The following FRMD4A variants were observed in gnomAD, a reference collection of about 807,000 sequenced individuals.
FRMD4A encodes FERM domain-containing protein 4A.
FRMD4A carries 29 observed loss-of-function variants against 129.1 expected under a neutral mutation model. The ratio of observed to expected loss-of-function variants is 0.22; its 90% CI spans 0.17 to 0.31. FRMD4A has a LOEUF of 0.31. FRMD4A is among the 10% of genes least tolerant of loss of function. FRMD4A has a pLI of 1.00. For missense variants in FRMD4A, 1,272 were observed against 1,375.8 expected (o/e 0.92, Z 1.19); for synonymous variants, 634 against 571.6 (o/e 1.11, Z -1.56).
At chr10:13,892,570 G>A (rs1482781715) in intron 2 of FRMD4A, among the ~76,000 whole-genome samples, 1 of 152,018 alleles carries the variant, frequency 6.6e-6, no homozygotes, top group African/African-American at 2.4e-5. Flanking sequence ...AGCTCAATTT[G>A]CTCTTAGACA....
chr10:14,310,620 G>T (rs937156920), intron 2 of FRMD4A, among the ~76,000 whole-genome samples: 1 of 152,138 alleles, frequency 6.6e-6, no homozygotes, highest in Non-Finnish European at 1.5e-5. Context: ...GCACAGGGCC[G>T]GCCAGGTAGC....
chr10:14,007,684 T>C (rs903152541), intron 2 of FRMD4A, among the ~76,000 whole-genome samples: 4 of 152,202 alleles, frequency 2.6e-5, no homozygotes, highest in Non-Finnish European at 5.9e-5. Context: ...TTCACAGCCC[T>C]GCTGCTCTAA....
intron 24 of FRMD4A, 34 bp downstream of exon 24, chr10:13,651,869 A>G (rs1277824586): frequency 4.8e-6 from 5 of 1,050,664 alleles, no homozygotes; most frequent in Non-Finnish European, 7.5e-6. Context: ...CCACAGACTC[A>G]TGGGCAGTAG....
At chr10:14,071,042 G>T (rs887440338) in intron 2 of FRMD4A, among the ~76,000 whole-genome samples, 2 of 152,202 alleles carry the variant, frequency 1.3e-5, no homozygotes, top group African/African-American at 4.8e-5. Flanking sequence ...GACAGAGATC[G>T]CTGATGTACC....
At chr10:14,231,051 C>T (rs1843622908) in intron 2 of FRMD4A, among the ~76,000 whole-genome samples, 1 of 152,078 alleles carries the variant, frequency 6.6e-6, no homozygotes, top group Admixed American at 6.5e-5. Context: ...GATTTCATGT[C>T]TTTGCTATTG....
At chr10:14,047,853 G>T (rs1379770836) in intron 2 of FRMD4A, among the ~76,000 whole-genome samples, 4 of 152,222 alleles carry the variant, frequency 2.6e-5, no homozygotes, top group Admixed American at 6.5e-5. Flanking sequence ...TCAGAATTGT[G>T]TCATTGCGCT....
chr10:14,327,860 T>C (rs117855895), intron 2 of FRMD4A, among the ~76,000 whole-genome samples: 2 of 152,330 alleles, frequency 1.3e-5, no homozygotes, highest in African/African-American at 2.4e-5. Flanking sequence ...TGACAACTGA[T>C]TGGCTGATGA....
intron 6 of FRMD4A, among the ~76,000 whole-genome samples, chr10:13,775,216 A>C (rs2092567038): frequency 6.6e-6 from 1 of 152,226 alleles, no homozygotes; most frequent in Non-Finnish European, 1.5e-5. Flanking sequence ...AATGCATGTC[A>C]CGTCTCCAGA....
At chr10:14,000,668 A>AAAAAAAAAAAAG (rs1555009702) in intron 2 of FRMD4A, among the ~76,000 whole-genome samples, 24 of 74,634 alleles carry the variant, frequency 3.2e-4, no homozygotes, top group African/African-American at 6.8e-4. Flanking sequence ...AAAAAAAAAA[A>AAAAAAAAAAAAG]GAGAAGAAAG....
chr10:14,130,735 T>C (rs1839203379), intron 2 of FRMD4A, among the ~76,000 whole-genome samples: 2 of 152,216 alleles, frequency 1.3e-5, no homozygotes, highest in Non-Finnish European at 2.9e-5. Flanking sequence ...AAGCTAAGCA[T>C]AGGCATTGCT....
chr10:14,290,272 C>T (rs960501867), intron 2 of FRMD4A, among the ~76,000 whole-genome samples: 11 of 152,062 alleles, frequency 7.2e-5, no homozygotes, highest in African/African-American at 2.7e-4. Context: ...ATAACCAAAG[C>T]AGTCTTGAGA....
chr10:13,650,421 C>T (rs866568929), intron 24 of FRMD4A, among the ~76,000 whole-genome samples: 5 of 150,232 alleles, frequency 3.3e-5, no homozygotes, highest in Non-Finnish European at 4.4e-5. Context: ...AGCATGAACT[C>T]GTGTATGTAT....
At chr10:14,244,652 G>A (rs1336806393) in intron 2 of FRMD4A, among the ~76,000 whole-genome samples, 1 of 152,100 alleles carries the variant, frequency 6.6e-6, no homozygotes, top group Non-Finnish European at 1.5e-5. Flanking sequence ...ACACTGAACT[G>A]GGCACATTAC....
chr10:13,854,765 T>C (rs1426392298), intron 3 of FRMD4A, among the ~76,000 whole-genome samples: 1 of 152,114 alleles, frequency 6.6e-6, no homozygotes, highest in Non-Finnish European at 1.5e-5. Flanking sequence ...CATTTCCAAC[T>C]GGTGGAAACA....
At position 13,835,521 on chromosome 10, in the gene FRMD4A, G is replaced by A. The variant is rs146103164; in HGVS notation, c.111+23326C>T. 3.4e-3 allele frequency among the ~76,000 whole-genome samples: 516 copies of A among 152,184 alleles called. 4 individuals carry two copies. Among genetic ancestry groups the A allele is most frequent in the African/African-American group, 0.012 (499 of 41,494 alleles). ...TCTGTATTTATAGCAGCTCCCCATC[G>A]CGCATTATTGCCTGAGTTCCACCTC... is the stretch of plus-strand genomic sequence containing the variant. On this transcript the variant is annotated intron_variant, in intron 3 of 24. Coordinates refer to ENST00000357447, the MANE Select transcript of FRMD4A (RefSeq NM_018027.5).
chr10:14,218,125 C>T (rs980960735), intron 2 of FRMD4A, among the ~76,000 whole-genome samples: 2 of 152,194 alleles, frequency 1.3e-5, no homozygotes, highest in African/African-American at 4.8e-5. Context: ...CCATGGTGCC[C>T]AGCTTATTTC....
chr10:13,898,824 T>C (rs772778641), intron 2 of FRMD4A, among the ~76,000 whole-genome samples: 4 of 152,156 alleles, frequency 2.6e-5, no homozygotes, highest in Non-Finnish European at 5.9e-5. Flanking sequence ...CATTGGGCAG[T>C]CTTGGACTCC....
At chr10:14,080,579 A>G (rs976654409) in intron 2 of FRMD4A, among the ~76,000 whole-genome samples, 2 of 152,072 alleles carry the variant, frequency 1.3e-5, no homozygotes, top group African/African-American at 4.8e-5. Flanking sequence ...ACTGTTTGCC[A>G]GTGGTTTGCT....
At chr10:13,918,693 T>C (rs963070969) in intron 2 of FRMD4A, among the ~76,000 whole-genome samples, 10 of 152,030 alleles carry the variant, frequency 6.6e-5, no homozygotes, top group African/African-American at 2.4e-4. Flanking sequence ...CACACCTGGC[T>C]AATTTTTATA....
Sources: allele counts gnomAD v4.1 joint callset (sites outside exome capture counted in the v4.1 genomes callset), GRCh38; gene constraint gnomAD v4.1.1; transcripts MANE v1.5; gene names NCBI Gene and HGNC (gene_info 2026-07-23, HGNC 2026-07-21).